The following CCDC7 variants were observed in gnomAD, a reference collection of about 807,000 sequenced individuals.
CCDC7 encodes coiled-coil domain-containing protein 7.
In CCDC7, 183 loss-of-function variants were observed where a neutral mutation model predicts 196.9. The ratio of observed to expected loss-of-function variants is 0.93; its 90% CI spans 0.82 to 1.05. CCDC7 has a LOEUF of 1.05. Among genes scored for constraint, CCDC7 ranks in the 50% least tolerant of loss-of-function variants. The pLI is 0.00. For synonymous variants in CCDC7, 525 were observed against 484.6 expected (o/e 1.08, Z -1.10); for missense variants, 1,540 against 1,482.2 (o/e 1.04, Z -0.64).
chr10:32,659,707 G>A (rs2070815621), intron 20 of CCDC7, among the ~76,000 whole-genome samples: 1 of 152,134 alleles, frequency 6.6e-6, no homozygotes, highest in Non-Finnish European at 1.5e-5. Context: ...CATACATGTG[G>A]CCGACAATCA....
At chr10:32,730,505 T>A (rs944942223) in intron 28 of CCDC7, among the ~76,000 whole-genome samples, 2 of 151,904 alleles carry the variant, frequency 1.3e-5, no homozygotes, top group African/African-American at 4.8e-5. Context: ...TAAGGAAAAA[T>A]TTTAAATATA....
At position 32,751,911 on chromosome 10, in the gene CCDC7, C is replaced by T. The variant is rs143695598; in HGVS notation, c.2905+22454C>T. ...TGGTAGAAGTTCTATCGGCAGAGAACGTGATTCAGTGCCTATAATAAATGC... is the reference window on the plus strand; with the variant it reads ...TGGTAGAAGTTCTATCGGCAGAGAATGTGATTCAGTGCCTATAATAAATGC... On this transcript the variant is annotated intron_variant, in intron 28 of 41. Coordinates refer to ENST00000639629, the Ensembl canonical transcript of CCDC7. Among the ~76,000 whole-genome samples the T allele has an allele frequency of 2.4e-3, 368 of 152,236 alleles. 2 individuals are homozygous for T. The highest frequency in any genetic ancestry group is 8.3e-3 in the African/African-American group (346 of 41,560).
intron 22 of CCDC7, among the ~76,000 whole-genome samples, chr10:32,687,123 G>A (rs2076550357): frequency 6.6e-6 from 1 of 152,200 alleles, no homozygotes; most frequent in Admixed American, 6.5e-5. Context: ...GTTCTAAGAA[G>A]TACCATAGCA....
chr10:32,470,285 G>C (rs535186162), intron 5 of CCDC7, among the ~76,000 whole-genome samples: 34 of 152,240 alleles, frequency 2.2e-4, no homozygotes, highest in African/African-American at 7.9e-4. Context: ...TACATGGGTG[G>C]ATCTCTGAAT....
chr10:32,730,744 C>G (rs2083826574), intron 28 of CCDC7, among the ~76,000 whole-genome samples: 1 of 151,912 alleles, frequency 6.6e-6, no homozygotes, highest in East Asian at 1.9e-4. Flanking sequence ...ATACAGTTCT[C>G]TAGTGCTTTT....
At chr10:32,508,414 T>C (rs1476476637) in intron 9 of CCDC7, among the ~76,000 whole-genome samples, 1 of 152,206 alleles carries the variant, frequency 6.6e-6, no homozygotes, top group East Asian at 1.9e-4. Flanking sequence ...CGGGACAGTA[T>C]TGTATGTTCA....
At chr10:32,533,112 T>C (rs1403710873) in intron 11 of CCDC7, among the ~76,000 whole-genome samples, 1 of 152,100 alleles carries the variant, frequency 6.6e-6, no homozygotes, top group Non-Finnish European at 1.5e-5. Context: ...CTTTTGACTT[T>C]TAGTGAATCT....
intron 2 of CCDC7, among the ~76,000 whole-genome samples, chr10:32,454,376 A>G (rs568584173): frequency 6.6e-6 from 1 of 152,204 alleles, no homozygotes; most frequent in Non-Finnish European, 1.5e-5. Context: ...AAGAACCAAA[A>G]CTAAAATCTG....
At chr10:32,448,137 CAAAA>C (rs753149527), upstream of CCDC7, among the ~76,000 whole-genome samples, 15 of 151,870 alleles carry the variant, frequency 9.9e-5, no homozygotes, top group Non-Finnish European at 1.5e-5. Flanking sequence ...TTCATCGAAA[CAAAA>C]AAGCAGTTGT....
At chr10:32,876,414 A>G (rs774284515), downstream of CCDC7, 4 of 1,599,406 alleles carry the variant, frequency 2.5e-6, no homozygotes, top group Non-Finnish European at 3.4e-6. Context: ...AATTCTGAGC[A>G]AGATAAGCAA....
intron 20 of CCDC7, among the ~76,000 whole-genome samples, chr10:32,640,454 CTT>C (rs1372329747): frequency 6.6e-6 from 1 of 152,170 alleles, no homozygotes; most frequent in Non-Finnish European, 1.5e-5. Flanking sequence ...GGTCTTGACT[CTT>C]TATCCAATTT....
At chr10:32,729,097 C>G in intron 27 of CCDC7, 100 bp downstream of exon 28, 1 of 904,284 alleles carries the variant, frequency 1.1e-6, no homozygotes, top group Non-Finnish European at 1.7e-6. Flanking sequence ...TATATTTCAT[C>G]AACTTTTAAC....
chr10:32,718,566 T>G (rs764644404), intron 25 of CCDC7, among the ~76,000 whole-genome samples: 2 of 151,960 alleles, frequency 1.3e-5, no homozygotes, highest in Admixed American at 1.3e-4. Context: ...TCAAATAGGA[T>G]GAGAGGAAGT....
At chr10:32,573,710 AT>A (rs1226538071) in intron 16 of CCDC7, among the ~76,000 whole-genome samples, 1 of 152,202 alleles carries the variant, frequency 6.6e-6, no homozygotes, top group African/African-American at 2.4e-5. Context: ...ATATCAAATA[AT>A]TCCTCTTAAA....
chr10:32,881,476 C>T (rs2094788976), downstream of CCDC7, among the ~76,000 whole-genome samples: 1 of 152,132 alleles, frequency 6.6e-6, no homozygotes, highest in South Asian at 2.1e-4. Flanking sequence ...TAACTTTTAA[C>T]TGAGTGAGAT....
At chr10:32,785,836 G>A (rs1166252648) in intron 29 of CCDC7, among the ~76,000 whole-genome samples, 1 of 152,116 alleles carries the variant, frequency 6.6e-6, no homozygotes, top group African/African-American at 2.4e-5. Flanking sequence ...ATTTCCCCAA[G>A]TTTTTGTTCA....
At chr10:32,567,768 T>C (rs750724652) in exon 15 of CCDC7, 1 of 1,613,508 alleles carries the variant, frequency 6.2e-7, no homozygotes, top group Non-Finnish European at 8.5e-7. Context: ...AAGTGGGTAA[T>C]AGTCAAACAA....
chr10:32,493,472 A>G (rs1435457369), intron 9 of CCDC7, among the ~76,000 whole-genome samples: 1 of 151,430 alleles, frequency 6.6e-6, no homozygotes, highest in East Asian at 1.9e-4. Flanking sequence ...TATTGTAGTT[A>G]TTGTGAATAA....
chr10:32,558,347 A>G (rs1021461145), intron 13 of CCDC7, among the ~76,000 whole-genome samples: 2 of 152,138 alleles, frequency 1.3e-5, no homozygotes, highest in Non-Finnish European at 2.9e-5. Flanking sequence ...AGCAGCTCAC[A>G]TTGCATTTTA....
Sources: allele counts gnomAD v4.1 joint callset (sites outside exome capture counted in the v4.1 genomes callset), GRCh38; gene constraint gnomAD v4.1.1; transcripts MANE v1.5; gene names NCBI Gene and HGNC (gene_info 2026-07-23, HGNC 2026-07-21).